The following RPS6KC1 variants were observed in gnomAD, a reference collection of about 807,000 sequenced individuals.
The protein encoded by RPS6KC1 is inactive ribosomal protein S6 kinase delta-1.
RPS6KC1 carries 54 observed loss-of-function variants against 103.8 expected under a neutral mutation model. The ratio of observed to expected loss-of-function variants is 0.52; its 90% CI spans 0.42 to 0.65. The LOEUF (loss-of-function observed/expected upper bound fraction) is 0.65. Ranked by LOEUF, RPS6KC1 falls within the 30% of genes least tolerant of loss-of-function variation. RPS6KC1 has a pLI of 0.00. For missense variants in RPS6KC1, 1,151 were observed against 1,253.8 expected (o/e 0.92, Z 1.24); for synonymous variants, 439 against 438.7 (o/e 1.00, Z -0.01).
chr1:213,103,668 G>A (rs1033768290), intron 3 of RPS6KC1, among the ~76,000 whole-genome samples: 1 of 152,078 alleles, frequency 6.6e-6, no homozygotes, highest in Non-Finnish European at 1.5e-5. Context: ...ACTCTGCAAA[G>A]GCACTTAAAA....
the RPS6KC1 span, among the ~76,000 whole-genome samples, chr1:213,584,586 C>T: frequency 6.6e-6 from 1 of 152,188 alleles, no homozygotes; most frequent in Non-Finnish European, 1.5e-5. Context: ...CTTTGAAATG[C>T]ATGTTTATCC....
chr1:213,107,410 A>G (rs985051807), intron 4 of RPS6KC1, among the ~76,000 whole-genome samples: 2 of 152,178 alleles, frequency 1.3e-5, no homozygotes, highest in Non-Finnish European at 2.9e-5. Flanking sequence ...CGTTTTGTTC[A>G]CAACATAAGT....
At chr1:213,576,455 G>A in the RPS6KC1 span, among the ~76,000 whole-genome samples, 1 of 148,650 alleles carries the variant, frequency 6.7e-6, no homozygotes, top group East Asian at 2.0e-4. Flanking sequence ...CCAATGGCAT[G>A]TATTCACTTC....
chr1:213,563,373 T>G, the RPS6KC1 span, among the ~76,000 whole-genome samples: 9 of 152,150 alleles, frequency 5.9e-5, no homozygotes, highest in Non-Finnish European at 1.0e-4. Context: ...GTACAGATTA[T>G]ATATCTGATT....
At chr1:213,856,235 C>G in the RPS6KC1 span, among the ~76,000 whole-genome samples, 6,272 of 152,140 alleles carry the variant, frequency 0.041, 163 homozygotes, top group Non-Finnish European at 0.059. Context: ...TGTGTCGGGT[C>G]CCTGTTAGAC....
chr1:213,109,282 G>T (rs946640415), intron 4 of RPS6KC1, among the ~76,000 whole-genome samples: 1 of 151,970 alleles, frequency 6.6e-6, no homozygotes. Flanking sequence ...GATGACAGGC[G>T]CCCGCCAGCA....
chr1:213,413,525 A>G, the RPS6KC1 span, among the ~76,000 whole-genome samples: 6 of 152,038 alleles, frequency 3.9e-5, no homozygotes, highest in Admixed American at 3.3e-4. Flanking sequence ...TAGAGAATCT[A>G]CCACCAAAAT....
chr1:213,556,533 G>A, the RPS6KC1 span, among the ~76,000 whole-genome samples: 1 of 152,144 alleles, frequency 6.6e-6, no homozygotes. Context: ...CAGAAGAACA[G>A]AATTGGTGGA....
chr1:213,072,044 T>C (rs1188555330), intron 2 of RPS6KC1, among the ~76,000 whole-genome samples: 2 of 152,178 alleles, frequency 1.3e-5, no homozygotes, highest in Non-Finnish European at 2.9e-5. Flanking sequence ...TCAATTTCAC[T>C]AAGACTAGAA....
At chr1:213,246,376 T>C (rs1445270384) in intron 12 of RPS6KC1, among the ~76,000 whole-genome samples, 1 of 152,208 alleles carries the variant, frequency 6.6e-6, no homozygotes, top group Non-Finnish European at 1.5e-5. Context: ...AATATAACAC[T>C]GTCTGGTTTC....
the RPS6KC1 span, among the ~76,000 whole-genome samples, chr1:213,768,209 G>A: frequency 6.6e-6 from 1 of 152,156 alleles, no homozygotes; most frequent in Non-Finnish European, 1.5e-5. Flanking sequence ...GGGACTCAGT[G>A]TCCACCTGGC....
chr1:213,111,065 G>A (rs936930673), intron 4 of RPS6KC1, among the ~76,000 whole-genome samples: 2 of 151,840 alleles, frequency 1.3e-5, no homozygotes, highest in Non-Finnish European at 2.9e-5. Context: ...GCTGGGATGG[G>A]GGTTGGGAGG....
chr1:213,684,036 A>G, the RPS6KC1 span, among the ~76,000 whole-genome samples: 1 of 152,144 alleles, frequency 6.6e-6, no homozygotes, highest in Non-Finnish European at 1.5e-5. Flanking sequence ...TAGGGTTGCT[A>G]CATATTAGAT....
At chr1:213,349,170 A>T in the RPS6KC1 span, among the ~76,000 whole-genome samples, 1 of 152,222 alleles carries the variant, frequency 6.6e-6, no homozygotes, top group African/African-American at 2.4e-5. Flanking sequence ...TGCAGGTCTC[A>T]TGTTTTTTTC....
In RPS6KC1 at chr1:213,273,153, C is replaced by T. The variant is rs894964238; in HGVS notation, c.*519C>T. 6 of 155,446 alleles carry T rather than the reference C, an allele frequency of 3.9e-5. No individual in the cohort carries two copies. Among genetic ancestry groups the T allele is most frequent in the African/African-American group, 1.2e-4 (5 of 41,442 alleles). The allele number at this position is 155,446 out of a possible 1,614,324, so 9.6% of individuals were successfully genotyped here. On this transcript the variant is annotated 3_prime_UTR_variant, in exon 15 of 15. Coordinates refer to ENST00000366960, the MANE Select transcript of RPS6KC1 (RefSeq NM_012424.6). ...ATAATTTCTGACGGAAAACCTGTAC[C>T]CTGATGCTGTATAATGTATGTTGAA...
At chr1:213,316,045 A>G in the RPS6KC1 span, among the ~76,000 whole-genome samples, 2 of 152,198 alleles carry the variant, frequency 1.3e-5, no homozygotes. Flanking sequence ...CTCATCTGGA[A>G]TTGTAATCCC....
At chr1:213,503,648 T>G in the RPS6KC1 span, among the ~76,000 whole-genome samples, 1 of 152,212 alleles carries the variant, frequency 6.6e-6, no homozygotes, top group African/African-American at 2.4e-5. Flanking sequence ...TATTTCTATA[T>G]CTAGAGATTG....
At chr1:213,491,004 G>C in the RPS6KC1 span, among the ~76,000 whole-genome samples, 2 of 152,294 alleles carry the variant, frequency 1.3e-5, no homozygotes, top group African/African-American at 2.4e-5. Context: ...AGCAGGATTG[G>C]TCTTGTTCTA....
chr1:213,142,546 G>A (rs1323691594), intron 6 of RPS6KC1, among the ~76,000 whole-genome samples: 1 of 152,028 alleles, frequency 6.6e-6, no homozygotes, highest in Non-Finnish European at 1.5e-5. Context: ...ATTTCTGGAT[G>A]TTTTCAGGTG....
Sources: allele counts gnomAD v4.1 joint callset (sites outside exome capture counted in the v4.1 genomes callset), GRCh38; gene constraint gnomAD v4.1.1; transcripts MANE v1.5; gene names NCBI Gene and HGNC (gene_info 2026-07-23, HGNC 2026-07-21).